The following CATSPERT variants were observed in gnomAD, a reference collection of about 807,000 sequenced individuals.
CATSPERT encodes the protein catsper channel auxiliary subunit tau.
the CATSPERT span, among the ~76,000 whole-genome samples, chr2:201,573,489 C>T: frequency 6.6e-6 from 1 of 152,242 alleles, no homozygotes; most frequent in South Asian, 2.1e-4. Flanking sequence ...AAGTGATCCT[C>T]CGGCTTCAGC....
At chr2:201,529,615 A>C in the CATSPERT span, among the ~76,000 whole-genome samples, 1 of 152,208 alleles carries the variant, frequency 6.6e-6, no homozygotes, top group African/African-American at 2.4e-5. Context: ...TAAAAGACTT[A>C]TATGTAAGAT....
the CATSPERT span, among the ~76,000 whole-genome samples, chr2:201,528,764 A>G: frequency 6.6e-6 from 1 of 152,094 alleles, no homozygotes; most frequent in Non-Finnish European, 1.5e-5. Flanking sequence ...TTGAGGGTGG[A>G]AGGTAGAAGG....
the CATSPERT span, among the ~76,000 whole-genome samples, chr2:201,618,575 A>G: frequency 2.8e-5 from 4 of 140,566 alleles, no homozygotes; most frequent in Admixed American, 7.1e-5. Flanking sequence ...GGGGGGAGGG[A>G]GGAGGGATAG....
At chr2:201,599,001 G>T in the CATSPERT span, among the ~76,000 whole-genome samples, 5 of 152,052 alleles carry the variant, frequency 3.3e-5, no homozygotes, top group South Asian at 8.3e-4. Flanking sequence ...ATTCAAACTA[G>T]CCAATCCTAA....
chr2:201,588,507 AG>A, the CATSPERT span, among the ~76,000 whole-genome samples: 5 of 149,172 alleles, frequency 3.4e-5, no homozygotes, highest in Non-Finnish European at 6.0e-5. Flanking sequence ...CAGAATAATA[AG>A]AAAGATATTA....
chr2:201,532,054 G>A, the CATSPERT span, among the ~76,000 whole-genome samples: 1 of 152,174 alleles, frequency 6.6e-6, no homozygotes, highest in African/African-American at 2.4e-5. Context: ...GGTCTAAGGT[G>A]ATAGCAATTA....
At chr2:201,615,799 T>C in the CATSPERT span, among the ~76,000 whole-genome samples, 1 of 151,988 alleles carries the variant, frequency 6.6e-6, no homozygotes. Context: ...ACAAAATTGA[T>C]AGATCACTAG....
the CATSPERT span, among the ~76,000 whole-genome samples, chr2:201,581,576 A>G: frequency 8.6e-5 from 7 of 81,316 alleles, 2 homozygotes; most frequent in South Asian, 8.5e-4. Context: ...ATATATATAT[A>G]TATATATATA....
chr2:201,532,063 T>C, the CATSPERT span, among the ~76,000 whole-genome samples: 1 of 151,946 alleles, frequency 6.6e-6, no homozygotes. Flanking sequence ...TGATAGCAAT[T>C]ACAGTGGTGG....
the CATSPERT span, among the ~76,000 whole-genome samples, chr2:201,591,437 C>G: frequency 1.3e-5 from 2 of 152,062 alleles, no homozygotes; most frequent in African/African-American, 4.8e-5. Context: ...CAGCTTTGTT[C>G]TTTTGGCTTA....
chr2:201,571,977 T>C, the CATSPERT span: 9 of 1,613,330 alleles, frequency 5.6e-6, no homozygotes, highest in Non-Finnish European at 7.6e-6. Context: ...TGGTGCAAGA[T>C]TCATAAACAT....
chr2:201,572,747 T>C, the CATSPERT span, among the ~76,000 whole-genome samples: 1 of 151,562 alleles, frequency 6.6e-6, no homozygotes, highest in Non-Finnish European at 1.5e-5. Context: ...GAAGAAAAAG[T>C]AAAAAATCAA....
At chr2:201,562,106 T>A in the CATSPERT span, among the ~76,000 whole-genome samples, 2 of 151,870 alleles carry the variant, frequency 1.3e-5, no homozygotes, top group African/African-American at 4.8e-5. Flanking sequence ...TACAAATTCA[T>A]ACAGTAATTC....
the CATSPERT span, among the ~76,000 whole-genome samples, chr2:201,595,459 A>G: frequency 4.9e-4 from 75 of 152,166 alleles, no homozygotes; most frequent in African/African-American, 1.7e-3. Flanking sequence ...AAGTGCTGGG[A>G]TTACAGGCGT....
the CATSPERT span, among the ~76,000 whole-genome samples, chr2:201,500,531 T>A: frequency 6.6e-6 from 1 of 151,354 alleles, no homozygotes; most frequent in Non-Finnish European, 1.5e-5. Flanking sequence ...AAACAAAAAA[T>A]AAAAAACAAA....
the CATSPERT span, among the ~76,000 whole-genome samples, chr2:201,612,403 A>G: frequency 0.87 from 132,680 of 151,686 alleles, 59,099 homozygotes; most frequent in South Asian, 0.98. Flanking sequence ...GCAAAACCCC[A>G]TCTCTACTAA....
the CATSPERT span, chr2:201,582,245 A>C: frequency 6.4e-7 from 1 of 1,569,180 alleles, no homozygotes; most frequent in South Asian, 1.2e-5. Flanking sequence ...TAAGAAAAGA[A>C]GCATTAAATT....
At chr2:201,604,404 A>T in the CATSPERT span, among the ~76,000 whole-genome samples, 3 of 152,188 alleles carry the variant, frequency 2.0e-5, no homozygotes, top group Non-Finnish European at 4.4e-5. Flanking sequence ...CGATATAACT[A>T]GATTTGGGAA....
chr2:201,491,771 T>C, the CATSPERT span: 2 of 1,537,166 alleles, frequency 1.3e-6, no homozygotes, highest in Non-Finnish European at 1.7e-6. Flanking sequence ...AGGGACTTCA[T>C]TTTCAGTGTC....
Sources: allele counts gnomAD v4.1 joint callset (sites outside exome capture counted in the v4.1 genomes callset), GRCh38; gene constraint gnomAD v4.1.1; transcripts MANE v1.5; gene names NCBI Gene and HGNC (gene_info 2026-07-23, HGNC 2026-07-21).